USP6: variants seen among roughly 807,000 people sequenced by gnomAD.
USP6 encodes ubiquitin carboxyl-terminal hydrolase 6.
USP6 carries 128 observed loss-of-function variants against 175.7 expected under a neutral mutation model. The observed-to-expected ratio is 0.73, with a 90% CI of 0.63 to 0.84. The LOEUF is 0.84. USP6 is among the 40% of genes least tolerant of loss of function. The pLI, the probability that USP6 is intolerant of heterozygous loss-of-function variation, is 0.00. For synonymous variants in USP6, 562 were observed against 630.6 expected (o/e 0.89, Z 1.63); for missense variants, 1,498 against 1,760.3 (o/e 0.85, Z 2.67).
chr17:5,123,566 A>G (rs2072779659), intron 4 of USP6, among the ~76,000 whole-genome samples: 1 of 151,974 alleles, frequency 6.6e-6, no homozygotes, highest in Non-Finnish European at 1.5e-5. Context: ...ACTCACTCGC[A>G]CTCACACCGG....
In USP6 at chr17:5,173,911, CTGTGTTTGTTTTG is replaced by C. The variant is rs1567820197; in HGVS notation, c.*934_*946del. On this transcript the variant is annotated 3_prime_UTR_variant, in exon 38 of 38. Transcript: ENST00000574788. ...TTTCACAATTAGTGGTTATTCTTTT[CTGTGTTTGTTTTG>C]CACTTTAAAAAAGAGAGAACACATG... 5 of 221,344 alleles carry C rather than the reference CTGTGTTTGTTTTG, an allele frequency of 2.3e-5. No individual in the cohort carries two copies. Among genetic ancestry groups the C allele is most frequent in the African/African-American group, 1.1e-4 (5 of 44,662 alleles). The allele number at this position is 221,344 out of a possible 1,614,324, so 13.7% of individuals were successfully genotyped here.
intron 31 of USP6, among the ~76,000 whole-genome samples, chr17:5,159,959 G>C (rs1208876583): frequency 1.7e-5 from 2 of 117,954 alleles, no homozygotes; most frequent in African/African-American, 7.2e-5. Flanking sequence ...GTGATACCCC[G>C]TCTCAAAAAA....
chr17:5,160,887 C>T (rs553359915), intron 31 of USP6, among the ~76,000 whole-genome samples: 2 of 152,302 alleles, frequency 1.3e-5, no homozygotes, highest in East Asian at 3.9e-4. Flanking sequence ...TCTCCAGCAC[C>T]TGTTGTTTCC....
At chr17:5,137,385 G>A (rs2073290167) in intron 19 of USP6, among the ~76,000 whole-genome samples, 199 bp downstream of exon 19, 1 of 152,258 alleles carries the variant, frequency 6.6e-6, no homozygotes, top group African/African-American at 2.4e-5. Context: ...CTCATGGGCA[G>A]ACTGGGTCAG....
intron 33 of USP6, 58 bp downstream of exon 33, chr17:5,163,062 G>A (rs113496590): frequency 2.0e-6 from 3 of 1,499,662 alleles, no homozygotes; most frequent in African/African-American, 2.9e-5. Context: ...TTCCCCCAGT[G>A]TAACTATTAT....
In USP6 at chr17:5,170,018, T is replaced by G. The variant is rs151203202; in HGVS notation, c.3518-461T>G. 4.7e-3 allele frequency among the ~76,000 whole-genome samples: 722 copies of G among 152,344 alleles called. 6 individuals carry two copies. The highest frequency in any genetic ancestry group is 0.016 in the African/African-American group (659 of 41,584). On this transcript the variant is annotated intron_variant, in intron 35 of 37. Transcript: ENST00000574788. ...GGTAAGAGGCTATAACTAAAAGGTT[T>G]AAAGCCTTGCAGGATTTTTGTGAGA...
chr17:5,119,676 A>G (rs564149570), intron 2 of USP6, among the ~76,000 whole-genome samples: 54 of 152,336 alleles, frequency 3.5e-4, no homozygotes, highest in African/African-American at 1.3e-3. Context: ...TTAACTAACT[A>G]ATGAGTAACT....
At chr17:5,133,336 A>C (rs918132078) in intron 13 of USP6, 107 bp from the exon 14 acceptor site, 1 of 1,257,014 alleles carries the variant, frequency 8.0e-7, no homozygotes, top group African/African-American at 1.5e-5. Flanking sequence ...TCTCGCCTCT[A>C]CTGAGGAATC....
intron 29 of USP6, 105 bp downstream of exon 29, chr17:5,147,299 G>A (rs1310272818): frequency 7.9e-7 from 1 of 1,259,316 alleles, no homozygotes; most frequent in African/African-American, 1.6e-5. Flanking sequence ...TATAGCAGAA[G>A]AACTTTGGAA....
At chr17:5,118,024 A>C (rs1297964580) in intron 1 of USP6, among the ~76,000 whole-genome samples, 176 bp from the exon 2 acceptor site, 1 of 150,870 alleles carries the variant, frequency 6.6e-6, no homozygotes, top group Non-Finnish European at 1.5e-5. Flanking sequence ...GGCCGAGATC[A>C]TGCCACTGCA....
chr17:5,158,184 G>A (rs1015719637), intron 31 of USP6, among the ~76,000 whole-genome samples: 3 of 152,150 alleles, frequency 2.0e-5, no homozygotes, highest in African/African-American at 7.2e-5. Context: ...GATTTAAATA[G>A]AGAAGATTCC....
intron 33 of USP6, among the ~76,000 whole-genome samples, chr17:5,164,874 CTG>C (rs961761922): frequency 1.3e-5 from 2 of 152,328 alleles, no homozygotes; most frequent in African/African-American, 4.8e-5. Context: ...GGAGAATACT[CTG>C]TAATTACTCC....
chr17:5,152,254 A>C (rs1431223622), intron 30 of USP6, among the ~76,000 whole-genome samples: 1 of 152,022 alleles, frequency 6.6e-6, no homozygotes, highest in Non-Finnish European at 1.5e-5. Flanking sequence ...AAAAAAAAAA[A>C]AAAGTGATCA....
At chr17:5,133,055 G>A in intron 13 of USP6, 65 bp downstream of exon 13, 1 of 1,564,520 alleles carries the variant, frequency 6.4e-7, no homozygotes. Context: ...GGCACCCATG[G>A]CTGTGGCCTG....
At chr17:5,172,267 CAT>C (rs2074239564) in intron 37 of USP6, among the ~76,000 whole-genome samples, 1 of 151,958 alleles carries the variant, frequency 6.6e-6, no homozygotes, top group African/African-American at 2.4e-5. Flanking sequence ...CGCGGTGGCT[CAT>C]GCCTATAATC....
At position 5,139,335 on chromosome 17, in the gene USP6, C is replaced by G. The variant is rs2073368100; in HGVS notation, c.1159C>G (p.Gln387Glu). 6.2e-7 allele frequency: 1 copy of G among 1,612,102 alleles called. No individual in the cohort carries two copies. The change falls in exon 22 of 38, where the codon CAG (glutamine) becomes GAG (glutamate). Residue 387 changes from glutamine to glutamate, a missense_variant. Transcript: ENST00000574788. Reference sequence around the variant, plus strand: ...GAAGACCCTCTGCAAGGGGTATAGGCAGGCCCCTCCAGGCCCACCAGCCCA... The same window carrying G: ...GAAGACCCTCTGCAAGGGGTATAGGGAGGCCCCTCCAGGCCCACCAGCCCA... ...GGKTLCKGYR[Q>E]APPGPPAQFQ...
chr17:5,148,911 AT>A, intron 30 of USP6, 144 bp downstream of exon 30: 1 of 1,399,992 alleles, frequency 7.1e-7, no homozygotes, highest in Non-Finnish European at 9.4e-7. Context: ...TACAAATTTT[AT>A]TTTTTTACTT....
intron 14 of USP6, 130 bp downstream of exon 14, chr17:5,133,680 T>C (rs2073154568): frequency 8.4e-7 from 1 of 1,193,944 alleles, no homozygotes; most frequent in Non-Finnish European, 1.2e-6. Context: ...ATCCTGGGCA[T>C]GGACGGTGAC....
intron 25 of USP6, among the ~76,000 whole-genome samples, chr17:5,143,143 C>T (rs937191066): frequency 2.6e-5 from 4 of 152,192 alleles, no homozygotes; most frequent in Admixed American, 2.6e-4. Flanking sequence ...GGGGGTCAGC[C>T]CCCTGCCCGG....
Sources: gnomAD v4.1 joint callset for allele counts (sites outside exome capture counted in the v4.1 genomes callset) on GRCh38, gnomAD v4.1.1 for gene constraint, MANE v1.5 for transcripts, NCBI Gene and HGNC (gene_info 2026-07-23, HGNC 2026-07-21) for gene names.